Variants in TMEM263 observed in about 807,000 individuals in gnomAD.
TMEM263 encodes the protein UPF0444 transmembrane protein C12orf23.
Under a neutral mutation model 8.6 loss-of-function variants are expected in TMEM263, and 5 were observed. The ratio of observed to expected loss-of-function variants is 0.58; its 90% CI spans 0.31 to 1.23. The LOEUF is 1.23. TMEM263 is among the 50% of genes most tolerant of loss of function. The pLI, the probability that TMEM263 is intolerant of heterozygous loss-of-function variation, is 0.07. For synonymous variants in TMEM263, 50 were observed against 47.9 expected (o/e 1.04, Z -0.18); for missense variants, 104 against 138.8 (o/e 0.75, Z 1.26).
At position 106,956,018 on chromosome 12, in the gene TMEM263, C is replaced by T. The variant is rs1032463034; in HGVS notation, c.-122C>T. On this transcript the variant is annotated 5_prime_UTR_variant, in exon 1 of 4. Transcript: ENST00000280756. ...GCCTCAGCTCTCCTCTGCGCCGGCC[C>T]GCTCACTCCGCCCGGCCCCAGCCCT... The T allele has an allele frequency of 1.1e-5, 11 of 985,894 alleles. No individual in the cohort carries two copies. In the Admixed American group the frequency reaches 3.7e-4, roughly 33 times the overall value. 61.1% of individuals were successfully genotyped at this position (985,894 alleles called of 1,614,324 possible).
chr12:106,963,024 A>G (rs770605029), intron 2 of TMEM263, among the ~76,000 whole-genome samples: 4 of 152,182 alleles, frequency 2.6e-5, no homozygotes, highest in African/African-American at 4.8e-5. Flanking sequence ...GTGCTCATCT[A>G]TTATAAGGTG....
intron 2 of TMEM263, among the ~76,000 whole-genome samples, chr12:106,963,826 T>C (rs534514801): frequency 1.9e-4 from 29 of 152,346 alleles, no homozygotes; most frequent in African/African-American, 6.7e-4. Flanking sequence ...TAAGGGATAC[T>C]GTATTAGAAA....
chr12:106,969,754 T>C (rs1005369674), intron 3 of TMEM263, among the ~76,000 whole-genome samples: 6 of 151,440 alleles, frequency 4.0e-5, no homozygotes, highest in Admixed American at 6.6e-5. Context: ...ATTAGATTAC[T>C]AAAGAGAAAA....
chr12:106,967,687 T>A (rs1377400422), intron 3 of TMEM263, among the ~76,000 whole-genome samples: 1 of 152,220 alleles, frequency 6.6e-6, no homozygotes, highest in Non-Finnish European at 1.5e-5. Context: ...GGGACACAAT[T>A]TTACCATATA....
intron 2 of TMEM263, among the ~76,000 whole-genome samples, chr12:106,966,706 T>C (rs1237152199): frequency 6.8e-6 from 1 of 147,308 alleles, no homozygotes; most frequent in Non-Finnish European, 1.5e-5. Context: ...TATACTTTTT[T>C]CTTTAAGTCT....
intron 2 of TMEM263, among the ~76,000 whole-genome samples, chr12:106,965,675 C>T (rs1951834289): frequency 6.6e-6 from 1 of 151,542 alleles, no homozygotes; most frequent in Non-Finnish European, 1.5e-5. Context: ...TTCTCCATAG[C>T]ATATAAATAC....
intron 2 of TMEM263, among the ~76,000 whole-genome samples, chr12:106,963,290 G>A (rs1029385358): frequency 2.6e-5 from 4 of 152,200 alleles, no homozygotes; most frequent in African/African-American, 9.6e-5. Context: ...CGACTGGACT[G>A]AAAGAAGAAC....
chr12:106,966,083 A>C (rs1397250641), intron 2 of TMEM263, among the ~76,000 whole-genome samples: 2 of 152,194 alleles, frequency 1.3e-5, no homozygotes, highest in Non-Finnish European at 2.9e-5. Flanking sequence ...TGATTTCATC[A>C]CCCAGGTAAT....
At chr12:106,964,594 A>G (rs117279289) in intron 2 of TMEM263, among the ~76,000 whole-genome samples, 1 of 152,334 alleles carries the variant, frequency 6.6e-6, no homozygotes, top group East Asian at 1.9e-4. Context: ...TACTTTTTAA[A>G]TCTTATGTTT....
In TMEM263 at chr12:106,955,942, C is replaced by T. The variant is rs943090058; in HGVS notation, c.-198C>T. 1.9e-5 allele frequency: 19 copies of T among 986,034 alleles called. No individual in the cohort carries two copies. Among genetic ancestry groups the T allele is most frequent in the Non-Finnish European group, 2.2e-5 (18 of 830,588 alleles). 61.1% of individuals were successfully genotyped at this position (986,034 alleles called of 1,614,324 possible). ...AGCTCCACATCCTGAGAGGACGCCT[C>T]TGGAGCCGCGACTGCCCGGGGTTGT... On this transcript the variant is annotated 5_prime_UTR_variant, in exon 1 of 4. Transcript: ENST00000280756.
At chr12:106,956,752 A>C (rs1344414085) in intron 1 of TMEM263, 1 of 152,266 alleles carries the variant, frequency 6.6e-6, no homozygotes, top group Non-Finnish European at 1.5e-5. Flanking sequence ...CCCTTCTTAC[A>C]TAGAAATTCT....
intron 2 of TMEM263, among the ~76,000 whole-genome samples, chr12:106,965,743 A>AT (rs1418622833): frequency 6.6e-6 from 1 of 151,892 alleles, no homozygotes; most frequent in African/African-American, 2.4e-5. Context: ...GCCTTTCCCC[A>AT]TTGGAGTATC....
chr12:106,969,876 TAA>T (rs571459566), intron 3 of TMEM263, among the ~76,000 whole-genome samples: 2 of 145,380 alleles, frequency 1.4e-5, no homozygotes, highest in Non-Finnish European at 1.5e-5. Flanking sequence ...TGGCTCTATT[TAA>T]AAAAAAAAAA....
In TMEM263 at chr12:106,972,786, G is replaced by A. The variant is rs1212785812; in HGVS notation, c.*1395G>A. On this transcript the variant is annotated 3_prime_UTR_variant, in exon 4 of 4. Transcript: ENST00000280756. ...ATACTTGGCATTCCTGTCCACCAAGGATTGTAATCCAAGCCTGGGAAAATC... is the reference window on the plus strand; with the variant it reads ...ATACTTGGCATTCCTGTCCACCAAGAATTGTAATCCAAGCCTGGGAAAATC... The A allele has an allele frequency of 6.6e-6, 1 of 151,252 alleles. No homozygotes were observed. The highest frequency in any genetic ancestry group is 2.4e-5 in the African/African-American group (1 of 41,138). The allele number at this position is 151,252 out of a possible 1,614,324, so 9.4% of individuals were successfully genotyped here. A position where few individuals can be genotyped will look rare whatever the true frequency, so the allele number is the denominator to read the frequency against.
rs772537829 is a variant in TMEM263, at chr12:106,971,079, T to G, written c.65-26T>G. 16 of 1,608,740 alleles carry G rather than the reference T, an allele frequency of 9.9e-6. No individual in the cohort carries two copies. The East Asian group carries it at 1.1e-4, about 11-fold the overall frequency. On this transcript the variant is annotated intron_variant, in intron 3 of 3. Transcript: ENST00000280756. ...TAAAGACTTGTGACTTATATTTGATTGTCTCATGATATTTTCTCTCATTAG... is the reference window on the plus strand; with the variant it reads ...TAAAGACTTGTGACTTATATTTGATGGTCTCATGATATTTTCTCTCATTAG...
rs115066916 is a variant in TMEM263, at chr12:106,963,164, T to C, written c.-6-3947T>C. On this transcript the variant is annotated intron_variant, in intron 2 of 3. Transcript: ENST00000280756. ...TTACTAGACTGGAATGAACAAGAGG[T>C]AGAATAGTGGAGATGGCGGTTAAGT... 9.2e-3 allele frequency among the ~76,000 whole-genome samples: 1,405 copies of C among 152,068 alleles called. 22 individuals carry two copies. The highest frequency in any genetic ancestry group is 0.032 in the African/African-American group (1,331 of 41,480).
chr12:106,967,232 T>G (rs1242935896), intron 3 of TMEM263, 52 bp downstream of exon 3: 1 of 1,088,196 alleles, frequency 9.2e-7, no homozygotes, highest in Admixed American at 2.4e-5. Context: ...GAATTAAAGT[T>G]CTGATAGTTT....
At chr12:106,966,619 A>G (rs1270559265) in intron 2 of TMEM263, among the ~76,000 whole-genome samples, 1 of 152,228 alleles carries the variant, frequency 6.6e-6, no homozygotes, top group Non-Finnish European at 1.5e-5. Context: ...TTTTTTCTGC[A>G]GCTTTGCCAG....
In TMEM263 at chr12:106,973,444, T is replaced by C. The variant is rs1399203316; in HGVS notation, c.*2053T>C. On this transcript the variant is annotated 3_prime_UTR_variant, in exon 4 of 4. Transcript: ENST00000280756. ...ATGCTTGCATATTTATTTTCAACTT[T>C]GTTTGTCTTTAAAATTGCTTGAGGA... 2 of 152,472 alleles carry C rather than the reference T, an allele frequency of 1.3e-5. No homozygotes were observed. Among genetic ancestry groups the C allele is most frequent in the Non-Finnish European group, 2.9e-5 (2 of 67,946 alleles). 9.4% of individuals were successfully genotyped at this position (152,472 alleles called of 1,614,324 possible).
Sources: gnomAD v4.1 joint callset for allele counts (sites outside exome capture counted in the v4.1 genomes callset) on GRCh38, gnomAD v4.1.1 for gene constraint, MANE v1.5 for transcripts, NCBI Gene and HGNC (gene_info 2026-07-23, HGNC 2026-07-21) for gene names.